DIPK2B: variants seen among roughly 807,000 people sequenced by gnomAD.
DIPK2B encodes the protein divergent protein kinase domain 2B, also known as UPF0672 protein CXorf36.
A neutral mutation model predicts 22.2 loss-of-function variants in DIPK2B; 15 were observed. That is an observed-to-expected ratio of 0.68 (90% CI 0.45 to 1.04). DIPK2B has a LOEUF of 1.04. Among genes scored for constraint, DIPK2B ranks in the 50% least tolerant of loss-of-function variants. DIPK2B has a pLI of 0.00. For synonymous variants in DIPK2B, 163 were observed against 153.2 expected (o/e 1.06, Z -0.47); for missense variants, 345 against 348.3 (o/e 0.99, Z 0.08).
chrX:45,165,020 A>C (rs1465696797), intron 2 of DIPK2B, among the ~76,000 whole-genome samples: 1 of 111,748 alleles, frequency 8.9e-6, no homozygotes, highest in Non-Finnish European at 1.9e-5. Flanking sequence ...AGTGTGTCCC[A>C]AACTTGGCTG....
At chrX:45,157,263 A>G (rs866624236) in intron 3 of DIPK2B, among the ~76,000 whole-genome samples, 2 of 111,694 alleles carry the variant, frequency 1.8e-5, no homozygotes, top group African/African-American at 3.3e-5. Context: ...ATGCATCTTC[A>G]TTTATTTGAC....
At chrX:45,192,049 G>T in intron 1 of DIPK2B, 34 bp from the exon 2 acceptor site, 2 of 1,168,414 alleles carry the variant, frequency 1.7e-6, no homozygotes, top group Non-Finnish European at 2.3e-6. Flanking sequence ...GGATTGGCCT[G>T]TGAGCTGGAG....
At chrX:45,152,060 T>A (rs1375298889) in intron 4 of DIPK2B, 68 bp from the exon 5 acceptor site, 9 of 1,017,428 alleles carry the variant, frequency 8.8e-6, no homozygotes, top group Admixed American at 3.2e-5. Flanking sequence ...CACCACTAAT[T>A]AGAATTCCTG....
chrX:45,192,230 G>A (rs925010501), intron 1 of DIPK2B, among the ~76,000 whole-genome samples: 4 of 111,839 alleles, frequency 3.6e-5, no homozygotes, highest in East Asian at 2.8e-4. Context: ...TGTGAGTCAC[G>A]CACAAACATT....
intron 2 of DIPK2B, chrX:45,191,508 C>T (rs773709518): frequency 1.6e-5 from 6 of 369,213 alleles, no homozygotes; most frequent in African/African-American, 7.7e-5. Context: ...GGAACTTTCT[C>T]GAATCGTCAC....
intron 4 of DIPK2B, among the ~76,000 whole-genome samples, chrX:45,153,620 C>T (rs1339060030): frequency 9.2e-6 from 1 of 109,127 alleles, no homozygotes; most frequent in Non-Finnish European, 1.9e-5. Context: ...CCCAATTGCA[C>T]AACAGCACTG....
chrX:45,164,560 G>A (rs111873759), intron 2 of DIPK2B, among the ~76,000 whole-genome samples: 10,147 of 111,075 alleles, frequency 0.091, 373 homozygotes, highest in African/African-American at 0.12. Context: ...TGAACAATGA[G>A]AATACATGGA....
chrX:45,168,417 T>C (rs1029167073), intron 2 of DIPK2B, among the ~76,000 whole-genome samples: 1 of 111,243 alleles, frequency 9.0e-6, no homozygotes, highest in Non-Finnish European at 1.9e-5. Flanking sequence ...TAAAACAGAG[T>C]TGGTGGGGTG....
intron 4 of DIPK2B, among the ~76,000 whole-genome samples, chrX:45,153,472 TTTTG>T (rs1337920759): frequency 1.4e-5 from 1 of 71,976 alleles, no homozygotes; most frequent in Non-Finnish European, 2.6e-5. Flanking sequence ...GACCCAAAAG[TTTTG>T]TGTGTGTGTG....
intron 1 of DIPK2B, among the ~76,000 whole-genome samples, chrX:45,193,216 A>T (rs183303807): frequency 8.9e-6 from 1 of 112,481 alleles, no homozygotes; most frequent in African/African-American, 3.2e-5. Flanking sequence ...ATGAAAAACT[A>T]CTCAGAAAAA....
rs747954632 is a variant in DIPK2B at position 45,148,551 on chromosome X, G to A, written c.*3101C>T. On this transcript the variant is annotated 3_prime_UTR_variant, in exon 5 of 5. Coordinates refer to ENST00000398000, the MANE Select transcript of DIPK2B (RefSeq NM_176819.4). ...GGAGTGAGAGGGAGAGTTGGGGGAG[G>A]GACGTGCCACACTCTTTTAAACAAC... 10 of 108,672 alleles carry A rather than the reference G, an allele frequency of 9.2e-5. No individual in the cohort carries two copies. Among genetic ancestry groups the A allele is most frequent in the Admixed American group, 2.0e-4 (2 of 10,080 alleles). The allele number at this position is 108,672 out of a possible 1,213,427, so 9.0% of individuals were successfully genotyped here.
chrX:45,151,600 G>A lies in DIPK2B; in HGVS notation c.*52C>T. ...TTCTACCTTGCAGCAACCCGACTGG[G>A]AGAATGGAGAGCCAAGCGTGTTGTC... On this transcript the variant is annotated 3_prime_UTR_variant, in exon 5 of 5. Coordinates refer to ENST00000398000, the MANE Select transcript of DIPK2B (RefSeq NM_176819.4). 1 of 1,111,489 alleles carries A rather than the reference G, an allele frequency of 9.0e-7. No individual in the cohort carries two copies. The highest frequency in any genetic ancestry group is 2.0e-5 in the South Asian group (1 of 48,962). 91.6% of individuals were successfully genotyped at this position (1,111,489 alleles called of 1,213,427 possible). A position where few individuals can be genotyped will look rare whatever the true frequency, so the allele number is the denominator to read the frequency against.
At chrX:45,171,430 C>T (rs2047080501) in intron 2 of DIPK2B, among the ~76,000 whole-genome samples, 1 of 111,340 alleles carries the variant, frequency 9.0e-6, no homozygotes, top group Non-Finnish European at 1.9e-5. Flanking sequence ...GAATTAGAAC[C>T]TCTAGGGCAG....
At position 45,157,730 on chromosome X, in the gene DIPK2B, G is replaced by T. The variant is rs754523941; in HGVS notation, c.657C>A (p.His219Gln). The change falls in exon 3 of 5, where the codon CAC becomes CAA. Residue 219 changes from histidine to glutamine, a missense_variant. Physicochemically the swap from His to Gln is conservative, Grantham distance 24. Transcript: ENST00000398000. ...RLLYTLAVNS[H>Q]PILLQIFPGA... is the part of the protein sequence containing the mutation. ...CGCTGCATACCTGTAGGAGGATGGG[G>T]TGCGAGTTGACAGCCAGCGTGTAGA... is the stretch of plus-strand genomic sequence containing the variant. 13 of 1,193,966 alleles carry T rather than the reference G, an allele frequency of 1.1e-5. No individual in the cohort carries two copies. The highest frequency in any genetic ancestry group is 1.5e-5 in the Non-Finnish European group (13 of 887,445).
At chrX:45,180,725 C>G (rs2047145936) in intron 2 of DIPK2B, among the ~76,000 whole-genome samples, 1 of 111,463 alleles carries the variant, frequency 9.0e-6, no homozygotes, top group Non-Finnish European at 1.9e-5. Flanking sequence ...GTTGCAAGAC[C>G]TCCAGTGGAT....
intron 4 of DIPK2B, among the ~76,000 whole-genome samples, chrX:45,153,191 C>G (rs1193003444): frequency 9.0e-6 from 1 of 111,104 alleles, no homozygotes; most frequent in Non-Finnish European, 1.9e-5. Flanking sequence ...AAATAAAATC[C>G]TTTGTCCTCT....
At chrX:45,176,632 T>C (rs949096776) in intron 2 of DIPK2B, among the ~76,000 whole-genome samples, 22 of 111,749 alleles carry the variant, frequency 2.0e-4, no homozygotes, top group African/African-American at 6.5e-4. Flanking sequence ...ACAGTTTTGA[T>C]CCTAGAGAAA....
intron 2 of DIPK2B, chrX:45,163,908 A>G: frequency 1.1e-6 from 1 of 893,598 alleles, no homozygotes; most frequent in East Asian, 5.1e-5. Context: ...TCACATCTGG[A>G]TTGGGGTGGG....
At chrX:45,155,054 G>A (rs750982776) in intron 3 of DIPK2B, among the ~76,000 whole-genome samples, 8 of 112,673 alleles carry the variant, frequency 7.1e-5, no homozygotes, top group Middle Eastern at 4.6e-3. Flanking sequence ...TTGGGAGGCC[G>A]ACGCAGGTGG....
Sources: allele counts gnomAD v4.1 joint callset (sites outside exome capture counted in the v4.1 genomes callset), GRCh38; gene constraint gnomAD v4.1.1; transcripts MANE v1.5; gene names NCBI Gene and HGNC (gene_info 2026-07-23, HGNC 2026-07-21).